The following DYNC2H1 variants were observed in gnomAD, a reference collection of about 807,000 sequenced individuals.
DYNC2H1 encodes the protein dynein cytoplasmic 2 heavy chain 1.
In DYNC2H1, 410 loss-of-function variants were observed where a neutral mutation model predicts 570.0. The observed-to-expected ratio is 0.72, with a 90% CI of 0.66 to 0.78. The LOEUF is 0.78. DYNC2H1 is among the 30% of genes least tolerant of loss of function. The pLI is 0.00. For missense variants in DYNC2H1, 4,865 were observed against 5,046.4 expected (o/e 0.96, Z 1.09); for synonymous variants, 1,688 against 1,677.6 (o/e 1.01, Z -0.15).
At chr11:103,342,787 C>G (rs1483219675) in intron 82 of DYNC2H1, among the ~76,000 whole-genome samples, 1 of 152,222 alleles carries the variant, frequency 6.6e-6, no homozygotes, top group Admixed American at 6.5e-5. Flanking sequence ...CTGGCTGGGT[C>G]TGTGCCACCT....
chr11:103,220,041 A>G lies in DYNC2H1; in HGVS notation c.8946+13A>G, dbSNP rs1863527348. 7.5e-7 allele frequency: 1 copy of G among 1,335,290 alleles called. No homozygotes were observed. The highest frequency in any genetic ancestry group is 1.9e-4 in the Middle Eastern group (1 of 5,332). 82.7% of individuals were successfully genotyped at this position (1,335,290 alleles called of 1,614,324 possible). A position where few individuals can be genotyped will look rare whatever the true frequency, so the allele number is the denominator to read the frequency against. On this transcript the variant is annotated intron_variant, in intron 56 of 88. Coordinates refer to ENST00000375735, the MANE Select transcript of DYNC2H1 (RefSeq NM_001377.3). ...AAAAGAAGTACAAGTAAGTTAAAAA[A>G]CATTCTAAGATCCATTTACATTTTT...
Position 103,186,470 on chromosome 11 carries a change from A to C in DYNC2H1, c.6862A>C (p.Ile2288Leu), listed in dbSNP as rs749326741. 1 of 1,611,764 alleles carries C rather than the reference A, an allele frequency of 6.2e-7. No homozygotes were observed. Among genetic ancestry groups the C allele is most frequent in the Non-Finnish European group, 8.5e-7 (1 of 1,178,996 alleles). The change falls in exon 42 of 89, where the codon ATT (isoleucine) becomes CTT (leucine). Residue 2288 changes from isoleucine to leucine, a missense_variant. By Grantham distance (5) the Ile-to-Leu change is conservative (BLOSUM62 2). Transcript: ENST00000375735. The surrounding 1 kb of genome is among the most constrained non-coding windows in gnomAD (Gnocchi z 4.5). ...WLSSDTKQPF[I>L]LVGPEGCGKG... ...AAGTTCTGATACTAAACAGCCCTTT[A>C]TTCTGGTAGGACCAGAAGGATGTGG...
rs1183190144 is a variant in DYNC2H1 at position 103,281,708 on chromosome 11, T to A, written c.10762-471T>A. Among the ~76,000 whole-genome samples the A allele has an allele frequency of 3.6e-5, 5 of 138,868 alleles. No homozygotes were observed. In the East Asian group the frequency reaches 8.3e-4, roughly 23 times the overall value. The allele number at this position is 138,868 out of a possible 152,430, so 91.1% of individuals were successfully genotyped here. On this transcript the variant is annotated intron_variant, in intron 71 of 88. Transcript: ENST00000375735. ...TTCTGCAACACTTGATTAATCTTAA[T>A]TCTATGGCAAAAAAAAAAAAAAGAT...
rs148732825 is a variant in DYNC2H1 at position 103,398,319 on chromosome 11, A to T, written c.12157-1344A>T. On this transcript the variant is annotated intron_variant, in intron 83 of 88. Transcript: ENST00000375735. ...AATATTAGACATTTTCCCCCTCTGG[A>T]TTCAGTATGAATGTATCTCAAAAAT... 1.8e-3 allele frequency among the ~76,000 whole-genome samples: 274 copies of T among 152,276 alleles called. 1 individual carries two copies. The highest frequency in any genetic ancestry group is 6.3e-3 in the African/African-American group (262 of 41,566).
intron 82 of DYNC2H1, among the ~76,000 whole-genome samples, chr11:103,347,520 A>T (rs1159608018): frequency 1.1e-5 from 1 of 93,420 alleles, no homozygotes; most frequent in Non-Finnish European, 2.4e-5. Flanking sequence ...GAATAAAAAC[A>T]AGAGGGAGAT....
intron 29 of DYNC2H1, among the ~76,000 whole-genome samples, chr11:103,162,427 GTTA>G (rs1376992915): frequency 6.6e-6 from 1 of 152,086 alleles, no homozygotes; most frequent in Non-Finnish European, 1.5e-5. Flanking sequence ...ATCAATCATT[GTTA>G]TTTTAACTTT....
chr11:103,120,738 C>G lies in DYNC2H1; in HGVS notation c.1184C>G (p.Ala395Gly). 6.2e-7 allele frequency: 1 copy of G among 1,603,866 alleles called. No homozygotes were observed. The highest frequency in any genetic ancestry group is 8.5e-7 in the Non-Finnish European group (1 of 1,174,546). Reference protein sequence around the residue: ...VSQYEKIIAPAEQKIAGKLKN... With the variant: ...VSQYEKIIAPGEQKIAGKLKN... Reference sequence around the variant, plus strand: ...CAATATGAAAAGATTATTGCACCTGCGGAACAAAAAATAGCAGGAAAATTG... The same window carrying G: ...CAATATGAAAAGATTATTGCACCTGGGGAACAAAAAATAGCAGGAAAATTG... Residue 395 changes from alanine to glycine, a missense_variant, in exon 8 of 89, where the codon GCG becomes GGG. Physicochemically the swap from Ala to Gly is moderately conservative, Grantham distance 60 (BLOSUM62 0). Coordinates refer to ENST00000375735, the MANE Select transcript of DYNC2H1 (RefSeq NM_001377.3).
At chr11:103,242,615 T>C (rs1864462835) in intron 63 of DYNC2H1, among the ~76,000 whole-genome samples, 1 of 152,230 alleles carries the variant, frequency 6.6e-6, no homozygotes. Context: ...GCAATGATTG[T>C]TAAATGACTT....
chr11:103,254,077 A>G lies in DYNC2H1; in HGVS notation c.10206+629A>G, dbSNP rs1431730986. Among the ~76,000 whole-genome samples the G allele has an allele frequency of 6.6e-6, 1 of 152,140 alleles. No individual in the cohort carries two copies. The highest frequency in any genetic ancestry group is 1.5e-5 in the Non-Finnish European group (1 of 67,990). On this transcript the variant is annotated intron_variant, in intron 66 of 88. Transcript: ENST00000375735. This position sits in a 1 kb window ranked among gnomAD's most constrained non-coding sequence, Gnocchi z 4.9. The stretch of plus-strand genomic sequence containing the variant: ...AGATTTTTTTCATCTTTTGATTTAT[A>G]TGATAGCATACATATTTGCTGCAAT...
At chr11:103,142,561 A>G (rs750930988) in intron 17 of DYNC2H1, among the ~76,000 whole-genome samples, 8 of 152,126 alleles carry the variant, frequency 5.3e-5, no homozygotes, top group Non-Finnish European at 1.0e-4. Context: ...CCCAATTACC[A>G]TGGAGGCTGA....
At chr11:103,291,428 C>G (rs961300800) in intron 75 of DYNC2H1, among the ~76,000 whole-genome samples, 1 of 145,540 alleles carries the variant, frequency 6.9e-6, no homozygotes, top group African/African-American at 2.6e-5. Context: ...ACAGAGCAAG[C>G]CTCCATCTCA....
intron 70 of DYNC2H1, among the ~76,000 whole-genome samples, chr11:103,274,766 T>C (rs1178057114): frequency 4.6e-5 from 7 of 152,158 alleles, no homozygotes; most frequent in Non-Finnish European, 1.0e-4. Context: ...CAATGGCCAA[T>C]TGCTTAGATC....
chr11:103,158,616 G>T, intron 26 of DYNC2H1, 61 bp from the exon 27 acceptor site: 1 of 1,403,622 alleles, frequency 7.1e-7, no homozygotes. Flanking sequence ...GTCTTAATCT[G>T]TTTTTCTTAC....
rs758139981 is a variant in DYNC2H1, at chr11:103,244,137, G to A, written c.9918+346G>A. 1.3e-5 allele frequency among the ~76,000 whole-genome samples: 2 copies of A among 152,054 alleles called. No individual in the cohort carries two copies. The highest frequency in any genetic ancestry group is 2.9e-5 in the Non-Finnish European group (2 of 67,954). On this transcript the variant is annotated intron_variant, in intron 64 of 88. Transcript: ENST00000375735. The surrounding 1 kb of genome is among the most constrained non-coding windows in gnomAD (Gnocchi z 4.3). ...TGTAGAAGTAGGAGCTTTTAAGTTA[G>A]CTTGGAGAATCGGAAAAGCCTTCTA...
At chr11:103,381,332 A>C (rs1941636927) in intron 83 of DYNC2H1, among the ~76,000 whole-genome samples, 1 of 152,236 alleles carries the variant, frequency 6.6e-6, no homozygotes, top group Non-Finnish European at 1.5e-5. Context: ...TCATAGATTA[A>C]ACATTATCAT....
intron 84 of DYNC2H1, among the ~76,000 whole-genome samples, chr11:103,413,134 G>GCAGTACCTGC (rs1943149526): frequency 6.6e-6 from 1 of 152,142 alleles, no homozygotes; most frequent in Admixed American, 6.5e-5. Flanking sequence ...ATCCAAAAAG[G>GCAGTACCTGC]CAGTACCTGC....
At chr11:103,294,898 T>C (rs1345784952) in intron 75 of DYNC2H1, among the ~76,000 whole-genome samples, 1 of 152,196 alleles carries the variant, frequency 6.6e-6, no homozygotes, top group Non-Finnish European at 1.5e-5. Flanking sequence ...TTTATTTTCC[T>C]GTGACTGGTC....
intron 85 of DYNC2H1, among the ~76,000 whole-genome samples, chr11:103,448,962 A>G (rs1944512060): frequency 6.6e-6 from 1 of 152,040 alleles, no homozygotes; most frequent in African/African-American, 2.4e-5. Context: ...TAGCATGTAG[A>G]GCTGTAGATA....
chr11:103,333,799 A>C (rs1483814217), intron 82 of DYNC2H1, among the ~76,000 whole-genome samples: 1 of 152,200 alleles, frequency 6.6e-6, no homozygotes, highest in African/African-American at 2.4e-5. Context: ...TTATCATCAT[A>C]ATCATTTAAG....
Sources: allele counts gnomAD v4.1 joint callset (sites outside exome capture counted in the v4.1 genomes callset), GRCh38; gene constraint gnomAD v4.1.1; non-coding constraint Gnocchi (gnomAD v3.1); transcripts MANE v1.5; gene names NCBI Gene and HGNC (gene_info 2026-07-23, HGNC 2026-07-21).